Variants in LRP1B observed in about 807,000 individuals in gnomAD.
LRP1B encodes low-density lipoprotein receptor-related protein 1B.
In LRP1B, 217 loss-of-function variants were observed where a neutral mutation model predicts 556.6. The ratio of observed to expected loss-of-function variants is 0.39; its 90% CI spans 0.35 to 0.44. The LOEUF (loss-of-function observed/expected upper bound fraction) is 0.44, where lower values mean the gene tolerates loss of function less well. LRP1B is among the 20% of genes least tolerant of loss of function. The pLI, the probability that LRP1B is intolerant of heterozygous loss-of-function variation, is 1.00. For synonymous variants in LRP1B, 2,047 were observed against 1,865.8 expected (o/e 1.10, Z -2.50); for missense variants, 5,053 against 5,620.8 (o/e 0.90, Z 3.23).
At chr2:140,272,021 C>CA (rs1331405991) in intron 85 of LRP1B, among the ~76,000 whole-genome samples, 2 of 151,724 alleles carry the variant, frequency 1.3e-5, no homozygotes, top group Non-Finnish European at 2.9e-5. Context: ...ATCTAAAAGA[C>CA]AAAAAAACCT....
chr2:141,941,443 A>G (rs1308484646), intron 1 of LRP1B, among the ~76,000 whole-genome samples: 1 of 152,242 alleles, frequency 6.6e-6, no homozygotes, highest in Non-Finnish European at 1.5e-5. Flanking sequence ...AGATGCTTAC[A>G]GCAGAGCCTC....
rs140977470 is a variant in LRP1B at position 141,697,301 on chromosome 2, T to C, written c.205+112978A>G. On this transcript the variant is annotated intron_variant, in intron 2 of 90. Transcript: ENST00000389484. ...GTGTACTAGCTGGACTATTAGCTAA[T>C]GGTTTATAAAATAAGGATCATAAAA... Among the ~76,000 whole-genome samples, 18 of 152,088 alleles carry C rather than the reference T, an allele frequency of 1.2e-4. No homozygotes were observed. In the East Asian group the frequency reaches 3.5e-3, roughly 30 times the overall value.
intron 43 of LRP1B, among the ~76,000 whole-genome samples, chr2:140,569,933 C>T (rs1415866709): frequency 6.6e-6 from 1 of 151,802 alleles, no homozygotes; most frequent in African/African-American, 2.4e-5. Flanking sequence ...TCCTGAATGA[C>T]CATTGGGTTA....
chr2:140,499,253 T>C (rs958377147), intron 55 of LRP1B, among the ~76,000 whole-genome samples: 17 of 151,940 alleles, frequency 1.1e-4, no homozygotes, highest in African/African-American at 4.1e-4. Context: ...ATACTTCTTA[T>C]ATGCAGGCAT....
Position 141,049,158 on chromosome 2 carries a change from G to A in LRP1B, c.1617C>T (p.Asp539=). Reference sequence around the variant, plus strand: ...ATTCATCAGCTATCTTGGTATTCAAGTCCATTCCTCTAACAATTCCTGGGC... The same window carrying A: ...ATTCATCAGCTATCTTGGTATTCAAATCCATTCCTCTAACAATTCCTGGGC... ...KGRPGIVRGM[D]LNTKIADEYM... is the part of the protein sequence containing the mutation. The change falls in exon 11 of 91, where the codon GAC becomes GAT. Residue 539 remains aspartate (D), a synonymous_variant. Coordinates refer to ENST00000389484, the MANE Select transcript of LRP1B (RefSeq NM_018557.3). The A allele has an allele frequency of 6.2e-7, 1 of 1,613,550 alleles. No individual in the cohort carries two copies. The highest frequency in any genetic ancestry group is 1.7e-5 in the Admixed American group (1 of 59,912).
chr2:141,510,877 AAC>A (rs763698242), intron 2 of LRP1B, among the ~76,000 whole-genome samples: 14 of 141,358 alleles, frequency 9.9e-5, no homozygotes, highest in African/African-American at 3.7e-4. Flanking sequence ...TCCTTGTCTA[AAC>A]ACACACACAC....
intron 2 of LRP1B, among the ~76,000 whole-genome samples, chr2:141,579,406 G>A (rs1374252784): frequency 6.6e-6 from 1 of 152,082 alleles, no homozygotes; most frequent in Non-Finnish European, 1.5e-5. Flanking sequence ...TATTTAAAAA[G>A]AAGATCTCCA....
chr2:141,260,530 A>T (rs1573724287), intron 3 of LRP1B, among the ~76,000 whole-genome samples: 1 of 152,222 alleles, frequency 6.6e-6, no homozygotes, highest in Non-Finnish European at 1.5e-5. Context: ...GTTATTACCA[A>T]TAGAGGTCTT....
chr2:142,090,712 A>G (rs1706134382), intron 1 of LRP1B, among the ~76,000 whole-genome samples: 1 of 152,106 alleles, frequency 6.6e-6, no homozygotes, highest in Non-Finnish European at 1.5e-5. Context: ...ACAAAGTACT[A>G]TCCACCTGGA....
chr2:140,777,937 T>A (rs1289910633), intron 32 of LRP1B, among the ~76,000 whole-genome samples: 1 of 152,048 alleles, frequency 6.6e-6, no homozygotes, highest in East Asian at 1.9e-4. Context: ...AAAAAAAGAT[T>A]AGTAGAATAT....
chr2:141,035,376 A>T (rs116390977), intron 11 of LRP1B, among the ~76,000 whole-genome samples: 2,471 of 141,650 alleles, frequency 0.017, 63 homozygotes, highest in African/African-American at 0.058. Context: ...ATAATAATAA[A>T]AAAATCTTTT....
intron 2 of LRP1B, among the ~76,000 whole-genome samples, chr2:141,679,887 T>A (rs1003864596): frequency 2.0e-5 from 3 of 151,286 alleles, no homozygotes; most frequent in Non-Finnish European, 2.9e-5. Flanking sequence ...AAATACTATA[T>A]ATTATTTATG....
intron 1 of LRP1B, among the ~76,000 whole-genome samples, chr2:142,070,766 G>A (rs1705284008): frequency 6.6e-6 from 1 of 151,866 alleles, no homozygotes; most frequent in Admixed American, 6.6e-5. Flanking sequence ...ATTTCCTTAT[G>A]AAGGATTAGA....
At chr2:141,867,211 C>T (rs1309048465) in intron 1 of LRP1B, among the ~76,000 whole-genome samples, 2 of 152,018 alleles carry the variant, frequency 1.3e-5, no homozygotes, top group Admixed American at 1.3e-4. Flanking sequence ...CAATACTGAA[C>T]TCCAATTTGA....
chr2:141,472,479 G>A (rs1003516382), intron 3 of LRP1B, among the ~76,000 whole-genome samples: 3 of 152,126 alleles, frequency 2.0e-5, no homozygotes, highest in African/African-American at 7.2e-5. Flanking sequence ...GGTGGAGGTT[G>A]CAATGAGCTG....
chr2:141,211,675 G>A (rs147197575), intron 6 of LRP1B, among the ~76,000 whole-genome samples: 1,721 of 152,108 alleles, frequency 0.011, 20 homozygotes, highest in Non-Finnish European at 0.017. Context: ...GGCTATGTAC[G>A]GATCATAAAT....
intron 1 of LRP1B, among the ~76,000 whole-genome samples, chr2:141,990,033 TTC>T (rs1176853527): frequency 3.9e-5 from 6 of 152,120 alleles, no homozygotes; most frequent in Admixed American, 6.6e-5. Context: ...TGTCTACAAT[TTC>T]TCTTACACAC....
At chr2:141,306,360 T>C (rs183613888) in intron 3 of LRP1B, among the ~76,000 whole-genome samples, 7 of 152,220 alleles carry the variant, frequency 4.6e-5, no homozygotes, top group Non-Finnish European at 7.4e-5. Flanking sequence ...TTAATCTTGG[T>C]AGATTGATAT....
intron 7 of LRP1B, among the ~76,000 whole-genome samples, chr2:141,117,333 T>G (rs1265700436): frequency 6.6e-6 from 1 of 151,882 alleles, no homozygotes; most frequent in Non-Finnish European, 1.5e-5. Context: ...GTGTTTTGTG[T>G]CACTTTTAGT....
Sources: allele counts gnomAD v4.1 joint callset (sites outside exome capture counted in the v4.1 genomes callset), GRCh38; gene constraint gnomAD v4.1.1; transcripts MANE v1.5; gene names NCBI Gene and HGNC (gene_info 2026-07-23, HGNC 2026-07-21).